The following ATP8A2 variants were observed in gnomAD, a reference collection of about 807,000 sequenced individuals.
ATP8A2 encodes phospholipid-transporting ATPase IB.
ATP8A2 carries 100 observed loss-of-function variants against 165.6 expected under a neutral mutation model. The observed-to-expected ratio is 0.60, with a 90% CI of 0.51 to 0.71. ATP8A2 has a LOEUF of 0.71. Among genes scored for constraint, ATP8A2 ranks in the 30% least tolerant of loss-of-function variants. The pLI, the probability that ATP8A2 is intolerant of heterozygous loss-of-function variation, is 0.00. For missense variants in ATP8A2, 1,227 were observed against 1,479.5 expected, an observed-to-expected ratio of 0.83 and a Z score of 2.80; for synonymous variants, 543 against 548.8, an observed-to-expected ratio of 0.99 and a Z score of 0.15.
intron 35 of ATP8A2, among the ~76,000 whole-genome samples, chr13:26,010,014 C>A (rs1000611785): frequency 6.6e-6 from 1 of 152,144 alleles, no homozygotes; most frequent in East Asian, 1.9e-4. Flanking sequence ...TGCAGTGAGC[C>A]GAGATTGCGC....
intron 35 of ATP8A2, among the ~76,000 whole-genome samples, chr13:26,006,825 T>C (rs1956749491): frequency 6.6e-6 from 1 of 152,032 alleles, no homozygotes; most frequent in Non-Finnish European, 1.5e-5. Context: ...TATTGCTTGA[T>C]TTTTATATGT....
chr13:25,570,575 C>G lies in ATP8A2; in HGVS notation c.1474-192C>G, dbSNP rs17082481. Among the ~76,000 whole-genome samples the G allele has an allele frequency of 7.2e-3, 1,094 of 152,198 alleles. 17 individuals are homozygous for G. The highest frequency in any genetic ancestry group is 0.026 in the African/African-American group (1,059 of 41,502). On this transcript the variant is annotated intron_variant, in intron 16 of 36. Coordinates refer to ENST00000381655, the MANE Select transcript of ATP8A2 (RefSeq NM_016529.6). Reference sequence around the variant, plus strand: ...CAAGAGAAACCTGGGGATTAGTGCGCGTCAGGAGAACCGGCTTGGGGACTC... The same window carrying G: ...CAAGAGAAACCTGGGGATTAGTGCGGGTCAGGAGAACCGGCTTGGGGACTC...
In ATP8A2 at chr13:25,372,528, C is replaced by T. The variant is rs1593219671; in HGVS notation, c.76+240C>T. Among the ~76,000 whole-genome samples, 1 of 152,134 alleles carries T rather than the reference C, an allele frequency of 6.6e-6. No individual in the cohort carries two copies. The highest frequency in any genetic ancestry group is 1.5e-5 in the Non-Finnish European group (1 of 67,998). On this transcript the variant is annotated intron_variant, in intron 1 of 36. Coordinates refer to ENST00000381655, the MANE Select transcript of ATP8A2 (RefSeq NM_016529.6). The surrounding 1 kb of genome is among the most constrained non-coding windows in gnomAD (Gnocchi z 4.8). ...CGAGGTGAGCGGCGGGCGTCAGAGA[C>T]CCCCGGCTCGTCCCTGTACAGATGT...
At chr13:25,951,746 T>C (rs528981774) in intron 33 of ATP8A2, among the ~76,000 whole-genome samples, 35 of 152,326 alleles carry the variant, frequency 2.3e-4, no homozygotes, top group African/African-American at 8.2e-4. Flanking sequence ...CCACTAATTT[T>C]TGTGGTTTCA....
At chr13:25,421,137 A>G (rs2034286731) in intron 1 of ATP8A2, among the ~76,000 whole-genome samples, 1 of 152,240 alleles carries the variant, frequency 6.6e-6, no homozygotes, top group Non-Finnish European at 1.5e-5. Context: ...TTTGACATAG[A>G]AAGCACAGAT....
At chr13:25,567,832 G>A (rs1277367757) in intron 16 of ATP8A2, among the ~76,000 whole-genome samples, 2 of 152,126 alleles carry the variant, frequency 1.3e-5, no homozygotes, top group Non-Finnish European at 2.9e-5. Context: ...TTTCTTTGGG[G>A]AGATGTGGGA....
At chr13:25,513,102 A>G (rs1410882696) in intron 2 of ATP8A2, among the ~76,000 whole-genome samples, 1 of 147,300 alleles carries the variant, frequency 6.8e-6, no homozygotes, top group Non-Finnish European at 1.5e-5. Context: ...CCAGGCGGAG[A>G]CGCTCCTCAC....
intron 6 of ATP8A2, among the ~76,000 whole-genome samples, chr13:25,535,943 A>G (rs2038266755): frequency 6.6e-6 from 1 of 152,142 alleles, no homozygotes; most frequent in Admixed American, 6.5e-5. Flanking sequence ...GAGAGTAAAG[A>G]TGAGAGAAAG....
chr13:25,702,425 T>G (rs1481849145), intron 25 of ATP8A2, among the ~76,000 whole-genome samples: 1 of 152,254 alleles, frequency 6.6e-6, no homozygotes, highest in Non-Finnish European at 1.5e-5. Flanking sequence ...TTCCATATGG[T>G]TAAAATCCTA....
At chr13:25,992,948 T>C (rs1177807486) in intron 35 of ATP8A2, among the ~76,000 whole-genome samples, 1 of 148,478 alleles carries the variant, frequency 6.7e-6, no homozygotes, top group Non-Finnish European at 1.5e-5. Context: ...GTTTGGTTTT[T>C]TGTTCTTGCG....
intron 30 of ATP8A2, among the ~76,000 whole-genome samples, chr13:25,842,320 G>C (rs1359786983): frequency 6.6e-6 from 1 of 152,122 alleles, no homozygotes; most frequent in Non-Finnish European, 1.5e-5. Context: ...GGTGAAAGAT[G>C]GGGAAATTTA....
intron 24 of ATP8A2, among the ~76,000 whole-genome samples, chr13:25,670,938 G>A (rs971882378): frequency 3.9e-5 from 6 of 152,158 alleles, no homozygotes; most frequent in African/African-American, 1.4e-4. Context: ...CTTTCTTCTT[G>A]TTGGCAGTTC....
chr13:25,954,685 T>C (rs1955477033), intron 33 of ATP8A2, among the ~76,000 whole-genome samples: 1 of 152,148 alleles, frequency 6.6e-6, no homozygotes, highest in Non-Finnish European at 1.5e-5. Flanking sequence ...ATTCTTGCTG[T>C]TTTGCAGCCT....
chr13:25,908,315 G>A (rs189739617), intron 33 of ATP8A2, among the ~76,000 whole-genome samples: 84 of 152,288 alleles, frequency 5.5e-4, no homozygotes, highest in Middle Eastern at 3.4e-3. Flanking sequence ...CAGTGACTTA[G>A]GTGTGTTGAA....
intron 15 of ATP8A2, among the ~76,000 whole-genome samples, chr13:25,563,336 C>G (rs2039216141): frequency 2.0e-5 from 3 of 150,156 alleles, no homozygotes; most frequent in Non-Finnish European, 3.0e-5. Context: ...TTGAACATGC[C>G]AGGCGGAGGT....
At chr13:25,457,451 G>T (rs2035394596) in intron 1 of ATP8A2, among the ~76,000 whole-genome samples, 1 of 152,138 alleles carries the variant, frequency 6.6e-6, no homozygotes, top group African/African-American at 2.4e-5. Flanking sequence ...ACAAAAAAAT[G>T]CACCTGTGGG....
chr13:25,437,504 G>C (rs1219754597), intron 1 of ATP8A2, among the ~76,000 whole-genome samples: 1 of 152,218 alleles, frequency 6.6e-6, no homozygotes, highest in Non-Finnish European at 1.5e-5. Flanking sequence ...CTTTTCAACA[G>C]ATCAAAGCTC....
intron 23 of ATP8A2, among the ~76,000 whole-genome samples, chr13:25,587,294 AAAC>A (rs2039949381): frequency 6.6e-6 from 1 of 152,222 alleles, no homozygotes; most frequent in South Asian, 2.1e-4. Flanking sequence ...ATAATTCTCT[AAAC>A]AAAATCTCAC....
chr13:25,793,330 T>C (rs2045230723), intron 27 of ATP8A2, among the ~76,000 whole-genome samples: 1 of 152,206 alleles, frequency 6.6e-6, no homozygotes, highest in African/African-American at 2.4e-5. Flanking sequence ...TCAGAGTAAA[T>C]TACAAGAGTA....
Sources: allele counts gnomAD v4.1 joint callset (sites outside exome capture counted in the v4.1 genomes callset), GRCh38; gene constraint gnomAD v4.1.1; non-coding constraint Gnocchi (gnomAD v3.1); transcripts MANE v1.5; gene names NCBI Gene and HGNC (gene_info 2026-07-23, HGNC 2026-07-21).